The following ACSF3 variants were observed in gnomAD, a reference collection of about 807,000 sequenced individuals.
ACSF3 encodes malonate--CoA ligase ACSF3, mitochondrial.
In ACSF3, 78 loss-of-function variants were observed where a neutral mutation model predicts 53.2. The observed-to-expected ratio is 1.47, with a 90% CI of 1.22 to 1.77. The LOEUF (loss-of-function observed/expected upper bound fraction) is 1.77. ACSF3 is among the 40% of genes most tolerant of loss of function. The pLI is 0.00. For missense variants in ACSF3, 937 were observed against 771.1 expected, an observed-to-expected ratio of 1.22 and a Z score of -2.55; for synonymous variants, 414 against 333.1, an observed-to-expected ratio of 1.24 and a Z score of -2.65.
chr16:89,098,989 A>G (rs1423196035), intron 2 of ACSF3, among the ~76,000 whole-genome samples: 1 of 152,278 alleles, frequency 6.6e-6, no homozygotes, highest in Non-Finnish European at 1.5e-5. Context: ...ACGCTGTCAG[A>G]CCGAGGGCCG....
intron 10 of ACSF3, chr16:89,150,890 C>T: frequency 1.1e-6 from 1 of 908,286 alleles, no homozygotes; most frequent in Non-Finnish European, 1.5e-6. Flanking sequence ...GAAAGAAGAA[C>T]AGGAAGGGAG....
At chr16:89,139,471 T>C (rs1911301832) in intron 8 of ACSF3, among the ~76,000 whole-genome samples, 1 of 152,094 alleles carries the variant, frequency 6.6e-6, no homozygotes, top group South Asian at 2.1e-4. Flanking sequence ...CTTGTCGGTT[T>C]GGCTGCGTAT....
rs767958353 is a variant in ACSF3 at position 89,146,009 on chromosome 16, G to A, written c.1573G>A (p.Gly525Arg). Residue 525 changes from glycine (G) to arginine (R), a missense_variant, in exon 10 of 11, where the codon GGA becomes AGA. By Grantham distance (125) the Gly-to-Arg change is moderately radical (BLOSUM62 -2). Coordinates refer to ENST00000614302, the MANE Select transcript of ACSF3 (RefSeq NM_001243279.3). Reference protein sequence around the residue: ...RVTAVVTLREGHSLSHRELKE... With the variant: ...RVTAVVTLRERHSLSHRELKE... Reference sequence around the variant, plus strand: ...CACTGCTGTGGTGACCCTCCGAGAAGGACACTCACTGTCCCACAGGGAGCT... The same window carrying A: ...CACTGCTGTGGTGACCCTCCGAGAAAGACACTCACTGTCCCACAGGGAGCT... 6.2e-7 allele frequency: 1 copy of A among 1,607,370 alleles called. No homozygotes were observed. The highest frequency in any genetic ancestry group is 8.5e-7 in the Non-Finnish European group (1 of 1,176,710).
intron 7 of ACSF3, among the ~76,000 whole-genome samples, chr16:89,126,801 T>G (rs553530185): frequency 6.6e-6 from 1 of 152,340 alleles, no homozygotes; most frequent in South Asian, 2.1e-4. Flanking sequence ...AAGCCCTGAC[T>G]AGGACTTCCA....
intron 4 of ACSF3, among the ~76,000 whole-genome samples, chr16:89,103,833 C>T (rs1192519306): frequency 6.6e-6 from 1 of 152,206 alleles, no homozygotes; most frequent in African/African-American, 2.4e-5. Flanking sequence ...GGGAAGGACG[C>T]GGTGCTGGTC....
chr16:89,141,286 G>C, intron 8 of ACSF3: 1 of 1,287,270 alleles, frequency 7.8e-7, no homozygotes, highest in South Asian at 1.2e-5. Context: ...GGTGAGGCGG[G>C]CGCTGAGTAG....
At chr16:89,106,917 A>G (rs1976056107) in intron 4 of ACSF3, among the ~76,000 whole-genome samples, 1 of 152,158 alleles carries the variant, frequency 6.6e-6, no homozygotes, top group South Asian at 2.1e-4. Flanking sequence ...CGGAAGATGG[A>G]TGTGCAGCCA....
intron 3 of ACSF3, among the ~76,000 whole-genome samples, chr16:89,101,845 C>G (rs1320441625): frequency 6.6e-6 from 1 of 152,210 alleles, no homozygotes; most frequent in African/African-American, 2.4e-5. Context: ...AAATGAAAAC[C>G]AAAAGCCAGG....
intron 4 of ACSF3, among the ~76,000 whole-genome samples, chr16:89,105,563 G>A (rs1261887434): frequency 6.6e-6 from 1 of 152,186 alleles, no homozygotes; most frequent in Non-Finnish European, 1.5e-5. Context: ...CCTTTCCTTT[G>A]GCGGTCAGCT....
rs1914658318 is a variant in ACSF3 at position 89,155,846 on chromosome 16, T to C, written c.*1639T>C. 2 of 445,146 alleles carry C rather than the reference T, an allele frequency of 4.5e-6. No individual in the cohort carries two copies. Among genetic ancestry groups the C allele is most frequent in the Admixed American group, 4.9e-5 (2 of 40,974 alleles). The allele number at this position is 445,146 out of a possible 1,614,324, so 27.6% of individuals were successfully genotyped here. ...CATAATCATTTGCTTTATCCGATAG[T>C]ATACATCAGTATATCATGCTTTCGA... On this transcript the variant is annotated 3_prime_UTR_variant, in exon 11 of 11. Transcript: ENST00000614302.
At chr16:89,152,761 A>G (rs529816554) in intron 10 of ACSF3, 2 of 152,318 alleles carry the variant, frequency 1.3e-5, no homozygotes, top group South Asian at 4.1e-4. Flanking sequence ...GAACCAGGTA[A>G]GGTGACGCAT....
chr16:89,139,821 C>T (rs1234590855), intron 8 of ACSF3, among the ~76,000 whole-genome samples: 1 of 152,108 alleles, frequency 6.6e-6, no homozygotes, highest in Admixed American at 6.5e-5. Flanking sequence ...TCTCGATCTC[C>T]TGACCTCGTG....
chr16:89,102,520 C>T (rs956442814), intron 3 of ACSF3, 84 bp from the exon 4 acceptor site: 1 of 1,536,404 alleles, frequency 6.5e-7, no homozygotes, highest in African/African-American at 1.4e-5. Context: ...GCCCAGAGCT[C>T]CTTTCCGTGA....
In ACSF3 at chr16:89,154,844, A is replaced by G. The variant is rs911548453; in HGVS notation, c.*637A>G. The G allele has an allele frequency of 8.8e-6, 4 of 454,152 alleles. No homozygotes were observed. The highest frequency in any genetic ancestry group is 1.4e-4 in the East Asian group (2 of 14,400). 28.1% of individuals were successfully genotyped at this position (454,152 alleles called of 1,614,324 possible). ...GTGTCCATCAGCATGTGTCACAGAA[A>G]GTGCGTGGACGGATGGCCCCGGAGC... is the stretch of plus-strand genomic sequence containing the variant. On this transcript the variant is annotated 3_prime_UTR_variant, in exon 11 of 11. Coordinates refer to ENST00000614302, the MANE Select transcript of ACSF3 (RefSeq NM_001243279.3).
chr16:89,123,507 C>T (rs1907168250), intron 7 of ACSF3, among the ~76,000 whole-genome samples: 1 of 152,178 alleles, frequency 6.6e-6, no homozygotes, highest in Admixed American at 6.5e-5. Flanking sequence ...CTGTGGCCGA[C>T]AGCTGGGCTG....
intron 5 of ACSF3, chr16:89,113,606 T>G: frequency 6.5e-6 from 1 of 154,082 alleles, no homozygotes; most frequent in Non-Finnish European, 1.4e-5. Flanking sequence ...CCAGCGGGGG[T>G]CCTGTCAGTG....
intron 4 of ACSF3, among the ~76,000 whole-genome samples, chr16:89,110,164 A>C (rs1418875602): frequency 6.6e-6 from 1 of 152,182 alleles, no homozygotes; most frequent in African/African-American, 2.4e-5. Flanking sequence ...TCATTTTATC[A>C]ATTTTTAAAC....
intron 4 of ACSF3, among the ~76,000 whole-genome samples, chr16:89,111,516 G>T (rs1261060077): frequency 1.3e-5 from 2 of 152,242 alleles, no homozygotes; most frequent in Non-Finnish European, 2.9e-5. Flanking sequence ...GTGGAACACC[G>T]CGGGTAGAGA....
intron 2 of ACSF3, among the ~76,000 whole-genome samples, chr16:89,100,194 A>G (rs1319328503): frequency 1.3e-5 from 2 of 152,212 alleles, no homozygotes; most frequent in African/African-American, 4.8e-5. Flanking sequence ...CAGTGTGGGA[A>G]GGGTCTGAGA....
Sources: gnomAD v4.1 joint callset for allele counts (sites outside exome capture counted in the v4.1 genomes callset) on GRCh38, gnomAD v4.1.1 for gene constraint, MANE v1.5 for transcripts, NCBI Gene and HGNC (gene_info 2026-07-23, HGNC 2026-07-21) for gene names.